Variants in GRID1 observed in about 807,000 individuals in gnomAD.
The protein encoded by GRID1 is glutamate receptor ionotropic, delta-1.
Under a neutral mutation model 98.0 loss-of-function variants are expected in GRID1, and 28 were observed. The observed-to-expected ratio is 0.29, with a 90% CI of 0.21 to 0.39. The LOEUF is 0.39. Ranked by LOEUF, GRID1 falls within the 10% of genes least tolerant of loss-of-function variation. The pLI, the probability that GRID1 is intolerant of heterozygous loss-of-function variation, is 1.00. For missense variants in GRID1, 1,111 were observed against 1,340.5 expected (o/e 0.83, Z 2.67); for synonymous variants, 553 against 538.5 (o/e 1.03, Z -0.37).
intron 3 of GRID1, among the ~76,000 whole-genome samples, chr10:86,174,146 C>A (rs544452971): frequency 2.0e-5 from 3 of 152,094 alleles, no homozygotes. Flanking sequence ...CCTGAGGAAT[C>A]GCCACATTGA....
chr10:86,122,830 G>A (rs901625742), intron 4 of GRID1, among the ~76,000 whole-genome samples: 5 of 152,204 alleles, frequency 3.3e-5, no homozygotes, highest in Non-Finnish European at 7.3e-5. Flanking sequence ...CACCCCTGAC[G>A]TGTGAGCACA....
intron 4 of GRID1, among the ~76,000 whole-genome samples, chr10:85,928,463 G>T (rs1841805809): frequency 2.6e-5 from 4 of 152,232 alleles, no homozygotes; most frequent in Admixed American, 2.6e-4. Context: ...GTGGGAATCG[G>T]CACTGGCAGG....
At chr10:86,115,181 G>A (rs1368350636) in intron 4 of GRID1, among the ~76,000 whole-genome samples, 1 of 152,198 alleles carries the variant, frequency 6.6e-6, no homozygotes, top group Non-Finnish European at 1.5e-5. Flanking sequence ...AAGCATGGCT[G>A]TGAGTTATGA....
intron 5 of GRID1, among the ~76,000 whole-genome samples, chr10:85,889,466 A>C (rs1487531957): frequency 6.6e-6 from 1 of 152,194 alleles, no homozygotes; most frequent in Non-Finnish European, 1.5e-5. Flanking sequence ...AATTTTACTT[A>C]ACATAATGTC....
intron 4 of GRID1, among the ~76,000 whole-genome samples, chr10:86,005,138 T>C (rs899412420): frequency 6.6e-6 from 1 of 152,090 alleles, no homozygotes; most frequent in African/African-American, 2.4e-5. Context: ...AGTGGACAGA[T>C]GCCATGAATC....
chr10:86,210,626 C>T (rs1028562074), intron 2 of GRID1, among the ~76,000 whole-genome samples: 2 of 152,162 alleles, frequency 1.3e-5, no homozygotes, highest in African/African-American at 4.8e-5. Context: ...CACTGCCGGC[C>T]CACCCCTCGT....
chr10:85,981,408 A>G (rs1459020677), intron 4 of GRID1, among the ~76,000 whole-genome samples: 2 of 152,220 alleles, frequency 1.3e-5, no homozygotes, highest in Non-Finnish European at 2.9e-5. Flanking sequence ...GGAATCTGGA[A>G]GCAGCTGGCT....
chr10:86,072,775 C>A (rs117600435), intron 4 of GRID1, among the ~76,000 whole-genome samples: 3 of 152,244 alleles, frequency 2.0e-5, no homozygotes, highest in African/African-American at 7.2e-5. Context: ...AGTATAGGGC[C>A]TTTGCTAGTG....
intron 3 of GRID1, among the ~76,000 whole-genome samples, chr10:86,193,527 A>AG (rs553859616): frequency 0.047 from 7,216 of 152,086 alleles, 258 homozygotes; most frequent in South Asian, 0.078. Context: ...TGGGCACACC[A>AG]GAGCTAAGAA....
At chr10:85,724,302 T>C in intron 11 of GRID1, 50 bp downstream of exon 11, 1 of 1,449,570 alleles carries the variant, frequency 6.9e-7, no homozygotes. Context: ...AATGGATAAG[T>C]TCTTCCAGGC....
chr10:86,024,851 A>G (rs1377967839), intron 4 of GRID1, among the ~76,000 whole-genome samples: 2 of 152,144 alleles, frequency 1.3e-5, no homozygotes, highest in Non-Finnish European at 2.9e-5. Context: ...CCCCACCCCT[A>G]TCTGCCAAGA....
At chr10:85,693,089 AGGAGAGAAAAAG>A (rs1841351729) in intron 12 of GRID1, among the ~76,000 whole-genome samples, 1 of 152,216 alleles carries the variant, frequency 6.6e-6, no homozygotes, top group South Asian at 2.1e-4. Context: ...GAGTGAAAAG[AGGAGAGAAAAAG>A]GTAAGTCAGG....
At chr10:86,150,151 G>A (rs1362983269) in intron 3 of GRID1, among the ~76,000 whole-genome samples, 1 of 152,186 alleles carries the variant, frequency 6.6e-6, no homozygotes, top group African/African-American at 2.4e-5. Flanking sequence ...GAATTGGCAT[G>A]GCATTTCCCC....
intron 8 of GRID1, among the ~76,000 whole-genome samples, chr10:85,837,326 G>T (rs1345323898): frequency 2.0e-5 from 3 of 152,112 alleles, no homozygotes; most frequent in African/African-American, 7.2e-5. Context: ...TCTCCATCAG[G>T]GTTCCTCCTA....
intron 4 of GRID1, among the ~76,000 whole-genome samples, chr10:86,133,840 C>T (rs1844874499): frequency 6.6e-6 from 1 of 152,204 alleles, no homozygotes; most frequent in Non-Finnish European, 1.5e-5. Context: ...ACGGATGGTG[C>T]CTGGACATCA....
intron 4 of GRID1, among the ~76,000 whole-genome samples, chr10:86,047,787 C>T (rs561054316): frequency 1.8e-4 from 27 of 152,080 alleles, no homozygotes; most frequent in Non-Finnish European, 3.2e-4. Context: ...AATGAAATTA[C>T]GTGTCTAATT....
intron 6 of GRID1, 125 bp downstream of exon 6, chr10:85,868,885 A>G (rs989473043): frequency 2.6e-6 from 2 of 767,456 alleles, no homozygotes; most frequent in African/African-American, 3.5e-5. Context: ...TTCAATTTCA[A>G]CAAATGACAG....
chr10:86,234,575 ACT>A (rs1242624390), intron 2 of GRID1, among the ~76,000 whole-genome samples: 1 of 151,886 alleles, frequency 6.6e-6, no homozygotes, highest in Admixed American at 6.5e-5. Context: ...AAAAGAGAAA[ACT>A]CTTTTCTCTA....
intron 2 of GRID1, among the ~76,000 whole-genome samples, chr10:86,300,523 AGGGAGGGGAGGGGAGGGGAGGGGAG>A: frequency 2.0e-4 from 1 of 4,902 alleles, no homozygotes; most frequent in East Asian, 4.3e-3. Context: ...AGGGAGGGGA[AGGGAGGGGAGGGGAGGGGAGGGGAG>A]GGGAGGGGAG....
Sources: gnomAD v4.1 joint callset for allele counts (sites outside exome capture counted in the v4.1 genomes callset) on GRCh38, gnomAD v4.1.1 for gene constraint, MANE v1.5 for transcripts, NCBI Gene and HGNC (gene_info 2026-07-23, HGNC 2026-07-21) for gene names.